Variants in CCAR1 observed in about 807,000 individuals in gnomAD.
CCAR1 encodes cell division cycle and apoptosis regulator 1.
In CCAR1, 78 loss-of-function variants were observed where a neutral mutation model predicts 163.8. The ratio of observed to expected loss-of-function variants is 0.48; its 90% CI spans 0.40 to 0.57. The LOEUF is 0.57. CCAR1 is among the 20% of genes least tolerant of loss of function. CCAR1 has a pLI of 0.00. For missense variants in CCAR1, 1,019 were observed against 1,365.2 expected (o/e 0.75, Z 4.00); for synonymous variants, 443 against 460.7 (o/e 0.96, Z 0.49).
In CCAR1 at chr10:68,788,010, C is replaced by A. The variant is rs763003253; in HGVS notation, c.2964C>A (p.Asn988Lys). The change falls in exon 22 of 25, where the codon AAC becomes AAA. Residue 988 changes from asparagine to lysine, a missense_variant. Asn to Lys is a moderately conservative substitution (Grantham distance 94). Coordinates refer to ENST00000265872, the MANE Select transcript of CCAR1 (RefSeq NM_018237.4). ...KLTDTSKDEE[N>K]HEESESLQED... ...CAGACACCTCAAAAGATGAAGAGAACCATGAAGAGTCTGAGTCATTGCAGG... is the reference window on the plus strand; with the variant it reads ...CAGACACCTCAAAAGATGAAGAGAAACATGAAGAGTCTGAGTCATTGCAGG... 1.1e-5 allele frequency: 17 copies of A among 1,612,356 alleles called. No homozygotes were observed. Among genetic ancestry groups the A allele is most frequent in the Non-Finnish European group, 1.4e-5 (16 of 1,179,284 alleles).
rs1156373063 is a variant in CCAR1, at chr10:68,756,780, C to T, written c.1836+297C>T. 6.6e-6 allele frequency: 3 copies of T among 453,174 alleles called. No homozygotes were observed. Among genetic ancestry groups the T allele is most frequent in the Non-Finnish European group, 1.2e-5 (3 of 246,886 alleles). 28.1% of individuals were successfully genotyped at this position (453,174 alleles called of 1,614,324 possible). ...CTGGAATCTGGGACCAGTTGTTGAA[C>T]AAGATTCAGTATTAAGCCATTTTAA... On this transcript the variant is annotated intron_variant, in intron 14 of 24. Coordinates refer to ENST00000265872, the MANE Select transcript of CCAR1 (RefSeq NM_018237.4). The surrounding 1 kb of genome is among the most constrained non-coding windows in gnomAD (Gnocchi z 5.1).
At position 68,730,452 on chromosome 10, in the gene CCAR1, C is replaced by T. The variant is rs1428286346; in HGVS notation, c.74-6424C>T. On this transcript the variant is annotated intron_variant, in intron 2 of 24. Transcript: ENST00000265872. Reference sequence around the variant, plus strand: ...TCTTGGGTTCAAGTGATTCTCCTGCCTCAGCCTGCTGAGTAGCTGGGACTA... The same window carrying T: ...TCTTGGGTTCAAGTGATTCTCCTGCTTCAGCCTGCTGAGTAGCTGGGACTA... Among the ~76,000 whole-genome samples, 4 of 151,720 alleles carry T rather than the reference C, an allele frequency of 2.6e-5. No homozygotes were observed. The East Asian group carries it at 7.8e-4, about 29-fold the overall frequency.
chr10:68,792,196 A>G lies in CCAR1; in HGVS notation c.*930A>G, dbSNP rs533042901. 38 of 151,988 alleles carry G rather than the reference A, an allele frequency of 2.5e-4. No individual in the cohort carries two copies. Among genetic ancestry groups the G allele is most frequent in the Admixed American group, 1.5e-3 (23 of 15,224 alleles). 9.4% of individuals were successfully genotyped at this position (151,988 alleles called of 1,614,324 possible). A position where few individuals can be genotyped will look rare whatever the true frequency, so the allele number is the denominator to read the frequency against. ...CATAATATTAGTTGTCCTGATGTCA[A>G]TGTTACTGCTTTCAATTAATTTTTC... On this transcript the variant is annotated 3_prime_UTR_variant, in exon 25 of 25. Coordinates refer to ENST00000265872, the MANE Select transcript of CCAR1 (RefSeq NM_018237.4).
intron 16 of CCAR1, among the ~76,000 whole-genome samples, chr10:68,761,584 C>T (rs371538574): frequency 3.4e-4 from 52 of 152,188 alleles, no homozygotes; most frequent in African/African-American, 1.1e-3. Flanking sequence ...GGATTACAGG[C>T]GTGAGCCACC....
chr10:68,756,201 C>A lies in CCAR1; in HGVS notation c.1626-72C>A. ...CAGCAAAATTTCTTTACTTGATGTG[C>A]TACAAGTGAACTAGGGTCTTTAAAA... is the stretch of plus-strand genomic sequence containing the variant. On this transcript the variant is annotated intron_variant, in intron 13 of 24. Coordinates refer to ENST00000265872, the MANE Select transcript of CCAR1 (RefSeq NM_018237.4). The surrounding 1 kb of genome is among the most constrained non-coding windows in gnomAD (Gnocchi z 5.1). 8.0e-7 allele frequency: 1 copy of A among 1,243,376 alleles called. No individual in the cohort carries two copies. Among genetic ancestry groups the A allele is most frequent in the Non-Finnish European group, 1.1e-6 (1 of 873,538 alleles). The allele number at this position is 1,243,376 out of a possible 1,614,324, so 77.0% of individuals were successfully genotyped here. A position where few individuals can be genotyped will look rare whatever the true frequency, so the allele number is the denominator to read the frequency against.
chr10:68,759,472 A>G (rs2056441259), intron 15 of CCAR1: 1 of 153,786 alleles, frequency 6.5e-6, no homozygotes, highest in South Asian at 2.0e-4. Flanking sequence ...TTATGCGTGT[A>G]ATCCTAGCAC....
chr10:68,766,229 G>A, intron 17 of CCAR1, 150 bp downstream of exon 17: 1 of 592,044 alleles, frequency 1.7e-6, no homozygotes, highest in Middle Eastern at 4.6e-4. Context: ...TTGAGACAGA[G>A]TTTCACTCTG....
chr10:68,783,584 A>G (rs964524166), intron 19 of CCAR1, among the ~76,000 whole-genome samples: 1 of 152,102 alleles, frequency 6.6e-6, no homozygotes, highest in African/African-American at 2.4e-5. Context: ...CCTGGCCAAC[A>G]TGGTGAAACC....
chr10:68,765,836 A>G (rs2133386604), intron 16 of CCAR1, 52 bp from the exon 17 acceptor site: 2 of 1,283,688 alleles, frequency 1.6e-6, no homozygotes, highest in South Asian at 2.6e-5. Flanking sequence ...TTGCACATGT[A>G]TATACATCCT....
intron 15 of CCAR1, among the ~76,000 whole-genome samples, chr10:68,758,503 A>AGT (rs71028777): frequency 0.22 from 27,832 of 124,312 alleles, 3,373 homozygotes; most frequent in Middle Eastern, 0.32. Flanking sequence ...CATCCTGGGC[A>AGT]GTGTGTGTGT....
chr10:68,723,078 T>A (rs568337491), intron 2 of CCAR1, among the ~76,000 whole-genome samples: 10 of 151,906 alleles, frequency 6.6e-5, no homozygotes, highest in Non-Finnish European at 1.2e-4. Flanking sequence ...TTGGACAGTT[T>A]TGTAGTTTTT....
intron 2 of CCAR1, 112 bp downstream of exon 2, chr10:68,722,689 C>T (rs2133288352): frequency 5.2e-6 from 4 of 762,922 alleles, no homozygotes; most frequent in East Asian, 2.6e-5. Context: ...CTTTGGGAAG[C>T]GGAGGAGGTG....
intron 2 of CCAR1, among the ~76,000 whole-genome samples, chr10:68,723,641 A>G (rs550845654): frequency 4.9e-5 from 7 of 142,772 alleles, no homozygotes; most frequent in South Asian, 2.3e-4. Flanking sequence ...AAGGTCAGGA[A>G]ATCGAGACCA....
rs756160449 is a variant in CCAR1 at position 68,747,146 on chromosome 10, T to C, written c.519-15T>C. ...GTATTTATATTTAACTTTTTTTTTC[T>C]TTTTTTTTTTACAGTGCTGTCAAAG... On this transcript the variant is annotated splice_polypyrimidine_tract_variant and intron_variant, in intron 6 of 24. Transcript: ENST00000265872. 73 of 560,004 alleles carry C rather than the reference T, an allele frequency of 1.3e-4. No individual in the cohort carries two copies. The highest frequency in any genetic ancestry group is 7.0e-4 in the Middle Eastern group (2 of 2,876). The allele number at this position is 560,004 out of a possible 1,614,324, so 34.7% of individuals were successfully genotyped here.
intron 24 of CCAR1, among the ~76,000 whole-genome samples, chr10:68,790,632 G>A (rs1233453359): frequency 1.3e-5 from 2 of 151,920 alleles, no homozygotes; most frequent in Admixed American, 6.6e-5. Flanking sequence ...AGGCTCACGT[G>A]ATCCTCCCAC....
chr10:68,745,670 AC>A (rs1444285529), intron 6 of CCAR1, among the ~76,000 whole-genome samples: 1 of 150,218 alleles, frequency 6.7e-6, no homozygotes, highest in African/African-American at 2.4e-5. Flanking sequence ...CACCATGTTG[AC>A]CAGTCTGGTC....
In CCAR1 at chr10:68,756,370, G is replaced by A; in HGVS notation, c.1723G>A (p.Asp575Asn). 1.2e-6 allele frequency: 2 copies of A among 1,614,028 alleles called. No individual in the cohort carries two copies. Among genetic ancestry groups the A allele is most frequent in the Non-Finnish European group, 1.7e-6 (2 of 1,180,012 alleles). ...GGAGACAGTGGTTTTATTTTTCCCGGATGTTTGGCATTGCCTTCCCACCCG... is the reference window on the plus strand; with the variant it reads ...GGAGACAGTGGTTTTATTTTTCCCGAATGTTTGGCATTGCCTTCCCACCCG... ...HVETVVLFFP[D>N]VWHCLPTRSE... Residue 575 changes from aspartate to asparagine, a missense_variant, in exon 14 of 25, where the codon GAT becomes AAT. Around this residue, in one of 4 missense-constraint regions of CCAR1, gnomAD observed 644 missense variants for 904.4 expected, o/e 0.71. Transcript: ENST00000265872. This position sits in a 1 kb window ranked among gnomAD's most constrained non-coding sequence, Gnocchi z 5.1.
chr10:68,771,080 A>G lies in CCAR1; in HGVS notation c.2299-126A>G, dbSNP rs114561289. 1.0e-3 allele frequency: 815 copies of G among 778,772 alleles called. 5 individuals are homozygous for G. The African/African-American group carries it at 0.014, about 13-fold the overall frequency. The allele number at this position is 778,772 out of a possible 1,614,324, so 48.2% of individuals were successfully genotyped here. A position where few individuals can be genotyped will look rare whatever the true frequency, so the allele number is the denominator to read the frequency against. ...GCGACAGAGCGAGACTCCATCTCAA[A>G]AAAAAAAAAGTTTGATAAGTTTACA... On this transcript the variant is annotated intron_variant, in intron 17 of 24. Transcript: ENST00000265872.
At chr10:68,772,309 C>A (rs771656817) in intron 18 of CCAR1, among the ~76,000 whole-genome samples, 6 of 151,810 alleles carry the variant, frequency 4.0e-5, no homozygotes, top group Admixed American at 3.9e-4. Flanking sequence ...ATGGTGAAAC[C>A]CCCTCTCTAC....
Sources: allele counts gnomAD v4.1 joint callset (sites outside exome capture counted in the v4.1 genomes callset), GRCh38; gene constraint gnomAD v4.1.1; regional missense constraint gnomAD v4.1.1; non-coding constraint Gnocchi (gnomAD v3.1); transcripts MANE v1.5; gene names NCBI Gene and HGNC (gene_info 2026-07-23, HGNC 2026-07-21).